PRDM16: variants seen among roughly 807,000 people sequenced by gnomAD.
PRDM16 encodes histone-lysine N-methyltransferase PRDM16.
PRDM16 carries 23 observed loss-of-function variants against 110.6 expected under a neutral mutation model. The ratio of observed to expected loss-of-function variants is 0.21; its 90% CI spans 0.15 to 0.29. The LOEUF (loss-of-function observed/expected upper bound fraction) is 0.29, where lower values mean the gene tolerates loss of function less well. Among genes scored for constraint, PRDM16 ranks in the 10% least tolerant of loss-of-function variants. The pLI is 1.00. For synonymous variants in PRDM16, 799 were observed against 781.8 expected, an observed-to-expected ratio of 1.02 and a Z score of -0.37; for missense variants, 1,615 against 1,794.3, an observed-to-expected ratio of 0.90 and a Z score of 1.81.
chr1:3,163,961 A>G (rs1440468574), intron 1 of PRDM16, among the ~76,000 whole-genome samples: 8 of 152,146 alleles, frequency 5.3e-5, no homozygotes, highest in Non-Finnish European at 8.8e-5. Context: ...CCCTCTTCCC[A>G]AGGGAGCCCT....
chr1:3,353,137 C>CACGCAGGG lies in PRDM16; in HGVS notation c.439-32011_439-32004dup, dbSNP rs1642527621. On this transcript the variant is annotated intron_variant, in intron 3 of 16. Transcript: ENST00000270722. This position sits in a 1 kb window ranked among gnomAD's most constrained non-coding sequence, Gnocchi z 5.4. ...AAAGCTGGCCCCCAGCCCAGACTCC[C>CACGCAGGG]ACGCAGGGACGTCCCTCACAGCAGG... Among the ~76,000 whole-genome samples the CACGCAGGG allele has an allele frequency of 6.6e-6, 1 of 152,242 alleles. No homozygotes were observed. Among genetic ancestry groups the CACGCAGGG allele is most frequent in the African/African-American group, 2.4e-5 (1 of 41,464 alleles).
chr1:3,106,746 T>TGCCTGAGGGTCCACTGGTATCAGCG (rs1642666674), intron 1 of PRDM16, among the ~76,000 whole-genome samples: 3 of 152,196 alleles, frequency 2.0e-5, no homozygotes, highest in Admixed American at 6.5e-5. Context: ...CCCGGCGGGC[T>TGCCTGAGGGTCCACTGGTATCAGCG]GCCTGAGGGT....
At position 3,244,223 on chromosome 1, in the gene PRDM16, G is replaced by A; in HGVS notation, c.438+86G>A. The A allele has an allele frequency of 2.4e-6, 3 of 1,248,024 alleles. No individual in the cohort carries two copies. The Admixed American group carries it at 5.2e-5, about 22-fold the overall frequency. 77.3% of individuals were successfully genotyped at this position (1,248,024 alleles called of 1,614,324 possible). ...CGACCGCCATCCCAGCTGTCCCTGAGCTAACAAGCGTGTAGTCGGAATGTT... is the reference window on the plus strand; with the variant it reads ...CGACCGCCATCCCAGCTGTCCCTGAACTAACAAGCGTGTAGTCGGAATGTT... On this transcript the variant is annotated intron_variant, in intron 3 of 16. Transcript: ENST00000270722. The surrounding 1 kb of genome is among the most constrained non-coding windows in gnomAD (Gnocchi z 4.1).
chr1:3,164,924 G>A (rs1291250717), intron 1 of PRDM16, among the ~76,000 whole-genome samples: 1 of 152,216 alleles, frequency 6.6e-6, no homozygotes, highest in African/African-American at 2.4e-5. Context: ...CCCCGTGCTT[G>A]TTCCCCAGAG....
chr1:3,129,435 T>C (rs142493852), intron 1 of PRDM16, among the ~76,000 whole-genome samples: 10 of 151,578 alleles, frequency 6.6e-5, no homozygotes, highest in African/African-American at 2.2e-4. Flanking sequence ...GTGTGTATCC[T>C]TCCTGGTGTG....
chr1:3,412,872 T>A (rs1643717514), intron 9 of PRDM16, 72 bp downstream of exon 9: 1 of 1,238,682 alleles, frequency 8.1e-7, no homozygotes, highest in Non-Finnish European at 1.1e-6. Flanking sequence ...GCTCAGTGCA[T>A]GGTGGTGTCT....
At chr1:3,177,634 A>G (rs1047702207) in intron 1 of PRDM16, among the ~76,000 whole-genome samples, 2 of 152,216 alleles carry the variant, frequency 1.3e-5, no homozygotes, top group African/African-American at 4.8e-5. Context: ...GAGCGAGCCA[A>G]CGTCAGTGCT....
intron 1 of PRDM16, among the ~76,000 whole-genome samples, chr1:3,138,771 G>A (rs1348084285): frequency 2.6e-5 from 4 of 152,350 alleles, no homozygotes; most frequent in Non-Finnish European, 4.4e-5. Flanking sequence ...TCAGGGTCAC[G>A]TTGGTCATCG....
Position 3,385,112 on chromosome 1 carries a change from C to G in PRDM16, c.439-40C>G, listed in dbSNP as rs758646453. ...GAGGCTGTGTGCAGACTCCAGCACA[C>G]AGGGCACCTCTGACTCCCGCTTCGC... On this transcript the variant is annotated intron_variant, in intron 3 of 16. Transcript: ENST00000270722. The G allele has an allele frequency of 9.3e-6, 15 of 1,611,534 alleles. No homozygotes were observed. The Middle Eastern group carries it at 7.2e-4, about 78-fold the overall frequency.
In PRDM16 at chr1:3,290,652, G is replaced by A. The variant is rs577644180; in HGVS notation, c.438+46515G>A. Among the ~76,000 whole-genome samples, 14 of 152,266 alleles carry A rather than the reference G, an allele frequency of 9.2e-5. No homozygotes were observed. In the East Asian group the frequency reaches 2.1e-3, roughly 23 times the overall value. On this transcript the variant is annotated intron_variant, in intron 3 of 16. Coordinates refer to ENST00000270722, the MANE Select transcript of PRDM16 (RefSeq NM_022114.4). The surrounding 1 kb of genome is among the most constrained non-coding windows in gnomAD (Gnocchi z 4.8). ...CAGTGGTGGGCCCAGGCCGGCCAGC[G>A]CTGGCTGAAGGAGCACTGTCCCCAC... is the stretch of plus-strand genomic sequence containing the variant.
At chr1:3,335,837 C>T (rs960646745) in intron 3 of PRDM16, among the ~76,000 whole-genome samples, 2 of 152,214 alleles carry the variant, frequency 1.3e-5, no homozygotes, top group Non-Finnish European at 2.9e-5. Context: ...CCCAGGTTCA[C>T]AGGAGGCCCG....
intron 7 of PRDM16, 141 bp from the exon 8 acceptor site, chr1:3,405,354 C>G: frequency 1.1e-6 from 1 of 950,202 alleles, no homozygotes; most frequent in South Asian, 1.8e-5. Flanking sequence ...GAGACCTGTC[C>G]CGGCCTGCTT....
Position 3,390,697 on chromosome 1 carries a change from C to T in PRDM16, c.573+5411C>T, listed in dbSNP as rs1355949280. On this transcript the variant is annotated intron_variant, in intron 4 of 16. Transcript: ENST00000270722. This position sits in a 1 kb window ranked among gnomAD's most constrained non-coding sequence, Gnocchi z 5.0. ...TGCTTTGCTGTCCTGGGCTCTGACC[C>T]GGGTCCCGCGTTTCTGTCTGGGCGT... Among the ~76,000 whole-genome samples the T allele has an allele frequency of 1.3e-5, 2 of 152,148 alleles. No homozygotes were observed. The highest frequency in any genetic ancestry group is 2.4e-5 in the African/African-American group (1 of 41,442).
Position 3,255,973 on chromosome 1 carries a change from T to C in PRDM16, c.438+11836T>C, listed in dbSNP as rs1640037196. Among the ~76,000 whole-genome samples, 1 of 151,620 alleles carries C rather than the reference T, an allele frequency of 6.6e-6. No homozygotes were observed. Among genetic ancestry groups the C allele is most frequent in the Non-Finnish European group, 1.5e-5 (1 of 67,998 alleles). On this transcript the variant is annotated intron_variant, in intron 3 of 16. Transcript: ENST00000270722. This position sits in a 1 kb window ranked among gnomAD's most constrained non-coding sequence, Gnocchi z 4.7. ...TACAGGGTGGAACGAGCTCCGCCTCTCAGGGGAGGGACAGGATTACGTGGC... is the reference window on the plus strand; with the variant it reads ...TACAGGGTGGAACGAGCTCCGCCTCCCAGGGGAGGGACAGGATTACGTGGC...
At chr1:3,091,389 T>A (rs760255917) in intron 1 of PRDM16, among the ~76,000 whole-genome samples, 2 of 152,130 alleles carry the variant, frequency 1.3e-5, no homozygotes, top group African/African-American at 2.4e-5. Flanking sequence ...ATCTCTTTCA[T>A]CTTCCAAGGC....
At chr1:3,083,717 G>T (rs931001627) in intron 1 of PRDM16, among the ~76,000 whole-genome samples, 2 of 152,104 alleles carry the variant, frequency 1.3e-5, no homozygotes, top group African/African-American at 2.4e-5. Flanking sequence ...TATCAGAGGG[G>T]CAGTTTCCAC....
intron 2 of PRDM16, among the ~76,000 whole-genome samples, chr1:3,196,249 C>T (rs575057814): frequency 6.6e-6 from 1 of 152,210 alleles, no homozygotes. Context: ...CCTTGCAGGC[C>T]GATTGCCTGG....
At chr1:3,121,661 G>C (rs1643096311) in intron 1 of PRDM16, among the ~76,000 whole-genome samples, 1 of 152,376 alleles carries the variant, frequency 6.6e-6, no homozygotes, top group Admixed American at 6.5e-5. Flanking sequence ...CCGAGGAAGG[G>C]GAGGACAGGG....
chr1:3,219,826 C>T (rs1639113469), intron 2 of PRDM16, among the ~76,000 whole-genome samples: 1 of 152,194 alleles, frequency 6.6e-6, no homozygotes, highest in Non-Finnish European at 1.5e-5. Context: ...GGCGCTGTCT[C>T]CCCACCTCTG....
Sources: gnomAD v4.1 joint callset for allele counts (sites outside exome capture counted in the v4.1 genomes callset) on GRCh38, gnomAD v4.1.1 for gene constraint, Gnocchi (gnomAD v3.1) non-coding constraint, MANE v1.5 for transcripts, NCBI Gene and HGNC (gene_info 2026-07-23, HGNC 2026-07-21) for gene names.